Variants in ANKRD33B observed in about 807,000 individuals in gnomAD.
ANKRD33B encodes ankyrin repeat domain 33B, also known as ankyrin repeat domain-containing protein 33B.
ANKRD33B carries 6 observed loss-of-function variants against 21.5 expected under a neutral mutation model. The ratio of observed to expected loss-of-function variants is 0.28; its 90% CI spans 0.15 to 0.55. ANKRD33B has a LOEUF of 0.55. Ranked by LOEUF, ANKRD33B falls within the 20% of genes least tolerant of loss-of-function variation. ANKRD33B has a pLI of 0.94. For synonymous variants in ANKRD33B, 347 were observed against 342.4 expected, an observed-to-expected ratio of 1.01 and a Z score of -0.15; for missense variants, 698 against 747.2, an observed-to-expected ratio of 0.93 and a Z score of 0.77.
chr5:10,578,725 T>C (rs1241002588), intron 1 of ANKRD33B, among the ~76,000 whole-genome samples: 1 of 152,202 alleles, frequency 6.6e-6, no homozygotes, highest in African/African-American at 2.4e-5. Context: ...TTTTATCAAG[T>C]GTAAACAAAT....
intron 1 of ANKRD33B, among the ~76,000 whole-genome samples, chr5:10,592,770 C>A (rs1735725444): frequency 6.6e-6 from 1 of 152,164 alleles, no homozygotes; most frequent in Non-Finnish European, 1.5e-5. Flanking sequence ...ATCTGGCAGT[C>A]CCCTCCCTGC....
chr5:10,589,091 C>T (rs1044890537), intron 1 of ANKRD33B, among the ~76,000 whole-genome samples: 4 of 152,098 alleles, frequency 2.6e-5, no homozygotes, highest in Non-Finnish European at 4.4e-5. Context: ...CTTTAAGCCT[C>T]GGGAACCTGA....
In ANKRD33B at chr5:10,656,681, T is replaced by C. The variant is rs1737495409; in HGVS notation, c.*6568T>C. 1.3e-5 allele frequency: 2 copies of C among 152,342 alleles called. No individual in the cohort carries two copies. Among genetic ancestry groups the C allele is most frequent in the African/African-American group, 4.8e-5 (2 of 41,444 alleles). 9.4% of individuals were successfully genotyped at this position (152,342 alleles called of 1,614,324 possible). On this transcript the variant is annotated 3_prime_UTR_variant, in exon 4 of 4. Coordinates refer to ENST00000296657, the MANE Select transcript of ANKRD33B (RefSeq NM_001164440.2). Reference sequence around the variant, plus strand: ...GGTCTTTATTGAAAGGCGGCTCATATAGAACCCATTTGGCCAGGTCTGGGC... The same window carrying C: ...GGTCTTTATTGAAAGGCGGCTCATACAGAACCCATTTGGCCAGGTCTGGGC...
Position 10,657,249 on chromosome 5 carries a change from A to G in ANKRD33B, c.*7136A>G, listed in dbSNP as rs912449303. 15 of 152,372 alleles carry G rather than the reference A, an allele frequency of 9.8e-5. No homozygotes were observed. The highest frequency in any genetic ancestry group is 2.2e-4 in the Non-Finnish European group (15 of 68,026). The allele number at this position is 152,372 out of a possible 1,614,324, so 9.4% of individuals were successfully genotyped here. ...ATAATACCCCATTCAGATGAACATT[A>G]AAAGCCAATGTACTGGAATTCTCTT... On this transcript the variant is annotated 3_prime_UTR_variant, in exon 4 of 4. Transcript: ENST00000296657.
At position 10,649,978 on chromosome 5, in the gene ANKRD33B, C is replaced by A. The variant is rs112072949; in HGVS notation, c.1350C>A (p.Ser450Arg). ...CGCGGAAGGGCAGCACCAAGGACAG[C>A]GGCCACCTGCAGATCCCCAAGTGGC... Reference protein sequence around the residue: ...RPARKGSTKDSGHLQIPKWRY... With the variant: ...RPARKGSTKDRGHLQIPKWRY... Residue 450 changes from serine to arginine, a missense_variant, in exon 4 of 4, where the codon AGC becomes AGA. Coordinates refer to ENST00000296657, the MANE Select transcript of ANKRD33B (RefSeq NM_001164440.2). 8.5e-6 allele frequency: 13 copies of A among 1,533,144 alleles called. No individual in the cohort carries two copies. Among genetic ancestry groups the A allele is most frequent in the African/African-American group, 1.4e-5 (1 of 72,720 alleles). 95.0% of individuals were successfully genotyped at this position (1,533,144 alleles called of 1,614,324 possible).
rs955567791 is a variant in ANKRD33B at position 10,640,131 on chromosome 5, C to T, written c.637+1963C>T. ...GTTGCGCGGTGATGTTAGCGGGTGA[C>T]GTGGAGTTGTGTGGTGATGTTAGCG... On this transcript the variant is annotated intron_variant, in intron 3 of 3. Coordinates refer to ENST00000296657, the MANE Select transcript of ANKRD33B (RefSeq NM_001164440.2). Among the ~76,000 whole-genome samples the T allele has an allele frequency of 8.2e-5, 10 of 122,596 alleles. 1 individual carries two copies. The highest frequency in any genetic ancestry group is 1.8e-4 in the Non-Finnish European group (10 of 55,570). The allele number at this position is 122,596 out of a possible 152,430, so 80.4% of individuals were successfully genotyped here.
intron 1 of ANKRD33B, among the ~76,000 whole-genome samples, chr5:10,613,949 AC>A (rs1229695274): frequency 1.4e-5 from 2 of 142,534 alleles, no homozygotes; most frequent in East Asian, 4.1e-4. Context: ...TTCCTTCCCC[AC>A]CCCACCAACC....
At chr5:10,633,157 A>C (rs565143831) in intron 2 of ANKRD33B, among the ~76,000 whole-genome samples, 1 of 142,908 alleles carries the variant, frequency 7.0e-6, no homozygotes, top group African/African-American at 2.6e-5. Flanking sequence ...GCTGGAGTGC[A>C]GTGATGCAAT....
intron 1 of ANKRD33B, among the ~76,000 whole-genome samples, chr5:10,610,590 G>A (rs1458041109): frequency 6.6e-6 from 1 of 152,166 alleles, no homozygotes; most frequent in East Asian, 1.9e-4. Context: ...ATCAGTTTAG[G>A]GGCATGGATG....
At chr5:10,630,882 A>AAG in intron 2 of ANKRD33B, among the ~76,000 whole-genome samples, 1 of 151,718 alleles carries the variant, frequency 6.6e-6, no homozygotes, top group South Asian at 2.1e-4. Flanking sequence ...AAAAAAAAAA[A>AAG]AAAAGAAGAA....
chr5:10,614,465 C>G (rs1423559435), intron 1 of ANKRD33B, among the ~76,000 whole-genome samples: 2 of 152,226 alleles, frequency 1.3e-5, no homozygotes, highest in Non-Finnish European at 2.9e-5. Context: ...TAGATGCCAT[C>G]TCACTGTCTT....
intron 2 of ANKRD33B, among the ~76,000 whole-genome samples, chr5:10,632,673 G>A (rs1415610198): frequency 6.6e-6 from 1 of 152,248 alleles, no homozygotes; most frequent in Non-Finnish European, 1.5e-5. Flanking sequence ...AGAGCCTCAG[G>A]TCCAGGGTGG....
At chr5:10,607,298 C>A (rs909453286) in intron 1 of ANKRD33B, among the ~76,000 whole-genome samples, 1 of 152,224 alleles carries the variant, frequency 6.6e-6, no homozygotes, top group African/African-American at 2.4e-5. Flanking sequence ...CAGGGCTCTG[C>A]TCTCTCTGCC....
intron 2 of ANKRD33B, chr5:10,624,592 T>C (rs1736501852): frequency 2.6e-6 from 1 of 377,784 alleles, no homozygotes; most frequent in East Asian, 7.2e-5. Context: ...ATTGTTGAGG[T>C]TGCATACGGA....
chr5:10,570,808 C>T (rs1735165773), intron 1 of ANKRD33B, among the ~76,000 whole-genome samples: 1 of 152,102 alleles, frequency 6.6e-6, no homozygotes, highest in South Asian at 2.1e-4. Flanking sequence ...GTCCTCCTGC[C>T]TCAGCCTCCC....
chr5:10,633,097 C>CTT (rs1031950496), intron 2 of ANKRD33B, among the ~76,000 whole-genome samples: 11 of 119,456 alleles, frequency 9.2e-5, no homozygotes, highest in South Asian at 2.9e-4. Flanking sequence ...CAGTTCTCCT[C>CTT]TTTTTTTTTT....
intron 3 of ANKRD33B, among the ~76,000 whole-genome samples, chr5:10,645,494 G>A (rs1266999188): frequency 3.3e-5 from 5 of 152,168 alleles, no homozygotes; most frequent in Admixed American, 3.3e-4. Context: ...GTTTTTGGCT[G>A]CAAGTAACAG....
At chr5:10,618,073 C>T (rs1736326056) in intron 1 of ANKRD33B, among the ~76,000 whole-genome samples, 2 of 152,354 alleles carry the variant, frequency 1.3e-5, no homozygotes, top group South Asian at 2.1e-4. Flanking sequence ...GGAGAAAGCA[C>T]ACCCCAGGAG....
At chr5:10,583,802 A>C (rs1735497560) in intron 1 of ANKRD33B, among the ~76,000 whole-genome samples, 1 of 152,190 alleles carries the variant, frequency 6.6e-6, no homozygotes, top group African/African-American at 2.4e-5. Flanking sequence ...AAATACCTAT[A>C]ATTAGAATTC....
Sources: allele counts gnomAD v4.1 joint callset (sites outside exome capture counted in the v4.1 genomes callset), GRCh38; gene constraint gnomAD v4.1.1; transcripts MANE v1.5; gene names NCBI Gene and HGNC (gene_info 2026-07-23, HGNC 2026-07-21).